The following PCDH9 variants were observed in gnomAD, a reference collection of about 807,000 sequenced individuals.
PCDH9 encodes protocadherin 9.
In PCDH9, 24 loss-of-function variants were observed where a neutral mutation model predicts 70.6. The observed-to-expected ratio is 0.34, with a 90% confidence interval of 0.25 to 0.48. PCDH9 has a LOEUF of 0.48. PCDH9 is among the 20% of genes least tolerant of loss of function. PCDH9 has a pLI of 0.99. For synonymous variants in PCDH9, 562 were observed against 558.5 expected, an observed-to-expected ratio of 1.01 and a Z score of -0.09; for missense variants, 1,281 against 1,503.6, an observed-to-expected ratio of 0.85 and a Z score of 2.45.
rs1368881773 is a variant in PCDH9 at position 67,224,855 on chromosome 13, C to T, written c.3036+550G>A. On this transcript the variant is annotated intron_variant, in intron 2 of 4. Coordinates refer to ENST00000377865, the MANE Select transcript of PCDH9 (RefSeq NM_203487.3). ...ATCAAAGAGAAGACTTCCTATATGGCTTAGTTGCAATCTATCAACGATCAT... is the reference window on the plus strand; with the variant it reads ...ATCAAAGAGAAGACTTCCTATATGGTTTAGTTGCAATCTATCAACGATCAT... 4.0e-5 allele frequency: 39 copies of T among 964,220 alleles called. No homozygotes were observed. The East Asian group carries it at 3.6e-3, about 88-fold the overall frequency. 59.7% of individuals were successfully genotyped at this position (964,220 alleles called of 1,614,324 possible).
rs540368819 is a variant in PCDH9, at chr13:66,422,432, A to G, written c.3341-117404T>C. On this transcript the variant is annotated intron_variant, in intron 4 of 4. Coordinates refer to ENST00000377865, the MANE Select transcript of PCDH9 (RefSeq NM_203487.3). Reference sequence around the variant, plus strand: ...AAGTAAAACACTCCTCAGCAAATGCAAAAGAACAGAAATCATAACAGTCTC... The same window carrying G: ...AAGTAAAACACTCCTCAGCAAATGCGAAAGAACAGAAATCATAACAGTCTC... 4.6e-5 allele frequency among the ~76,000 whole-genome samples: 7 copies of G among 152,340 alleles called. No homozygotes were observed. The East Asian group carries it at 1.3e-3, about 29-fold the overall frequency.
intron 4 of PCDH9, among the ~76,000 whole-genome samples, chr13:66,531,687 A>G (rs1960464624): frequency 6.6e-6 from 1 of 152,150 alleles, no homozygotes; most frequent in Non-Finnish European, 1.5e-5. Context: ...AAAATGCAAG[A>G]GGGCTCCTGG....
In PCDH9 at chr13:66,541,254, G is replaced by T. The variant is rs190032498; in HGVS notation, c.3340+89956C>A. ...TCAGATGGCACAAAAGTCATTTAAG[G>T]TTTCTCTGTGGAAGTGTCATTGTTC... On this transcript the variant is annotated intron_variant, in intron 4 of 4. Transcript: ENST00000377865. 1.2e-3 allele frequency among the ~76,000 whole-genome samples: 182 copies of T among 152,210 alleles called. 1 individual carries two copies. Among genetic ancestry groups the T allele is most frequent in the African/African-American group, 3.9e-3 (162 of 41,540 alleles).
chr13:66,329,903 A>G (rs1955911265), intron 4 of PCDH9, among the ~76,000 whole-genome samples: 1 of 152,244 alleles, frequency 6.6e-6, no homozygotes, highest in Non-Finnish European at 1.5e-5. Context: ...TATTATAAGA[A>G]AGTACTGCAT....
intron 2 of PCDH9, among the ~76,000 whole-genome samples, chr13:67,178,264 T>C (rs1352305529): frequency 6.6e-6 from 1 of 152,070 alleles, no homozygotes; most frequent in Non-Finnish European, 1.5e-5. Context: ...AACTAAAATA[T>C]GTTAGAATTC....
At chr13:66,939,872 CT>C (rs2082980291) in intron 2 of PCDH9, among the ~76,000 whole-genome samples, 1 of 152,118 alleles carries the variant, frequency 6.6e-6, no homozygotes, top group Admixed American at 6.6e-5. Context: ...GTATCAACAT[CT>C]TTGGGAACGA....
chr13:67,179,457 G>A (rs115138410), intron 2 of PCDH9, among the ~76,000 whole-genome samples: 137 of 152,168 alleles, frequency 9.0e-4, no homozygotes, highest in Middle Eastern at 3.4e-3. Flanking sequence ...TACATATTCC[G>A]TACACAACTG....
intron 4 of PCDH9, among the ~76,000 whole-genome samples, chr13:66,453,166 C>A (rs967799235): frequency 6.6e-6 from 1 of 152,164 alleles, no homozygotes; most frequent in African/African-American, 2.4e-5. Context: ...ACAGGTAAGA[C>A]AGGTGTTATG....
Position 66,653,985 on chromosome 13 carries a change from A to AAG in PCDH9, c.3139-22575_3139-22574insCT, listed in dbSNP as rs576503175. Among the ~76,000 whole-genome samples the AAG allele has an allele frequency of 2.7e-4, 41 of 150,404 alleles. 1 individual carries two copies. The East Asian group carries it at 6.1e-3, about 22-fold the overall frequency. ...TCCGTCTCAAAATTAAAAAAAAAAA[A>AAG]ATAGAAAGAAAATCAGTATGTCAAA... is the stretch of plus-strand genomic sequence containing the variant. On this transcript the variant is annotated intron_variant, in intron 3 of 4. Coordinates refer to ENST00000377865, the MANE Select transcript of PCDH9 (RefSeq NM_203487.3).
At position 67,059,323 on chromosome 13, in the gene PCDH9, A is replaced by G. The variant is rs542795826; in HGVS notation, c.3037-155718T>C. On this transcript the variant is annotated intron_variant, in intron 2 of 4. Transcript: ENST00000377865. ...TTTCAATGGCGAGACAGGAGTAAAA[A>G]AAAAAACAAATTTCAAATATATATA... Among the ~76,000 whole-genome samples the G allele has an allele frequency of 2.0e-5, 3 of 147,176 alleles. No homozygotes were observed. The South Asian group carries it at 6.4e-4, about 31-fold the overall frequency.
intron 4 of PCDH9, among the ~76,000 whole-genome samples, chr13:66,475,005 A>C (rs1958693949): frequency 6.6e-6 from 1 of 152,116 alleles, no homozygotes; most frequent in Admixed American, 6.5e-5. Context: ...ACACTCTGTC[A>C]CAATAGATAG....
At chr13:67,116,713 A>G (rs1288148911) in intron 2 of PCDH9, among the ~76,000 whole-genome samples, 1 of 152,192 alleles carries the variant, frequency 6.6e-6, no homozygotes, top group African/African-American at 2.4e-5. Context: ...TCCATCCACC[A>G]TCAATATACA....
At chr13:66,882,525 T>G (rs545224717) in intron 3 of PCDH9, among the ~76,000 whole-genome samples, 79 of 152,314 alleles carry the variant, frequency 5.2e-4, no homozygotes, top group Non-Finnish European at 9.7e-4. Flanking sequence ...CTAAATTGAT[T>G]GTATTTATAC....
At chr13:66,993,508 G>A (rs1019244699) in intron 2 of PCDH9, among the ~76,000 whole-genome samples, 3 of 152,106 alleles carry the variant, frequency 2.0e-5, no homozygotes, top group Non-Finnish European at 4.4e-5. Context: ...TGGGGAGGCT[G>A]AATTAGTGGA....
At chr13:66,559,884 T>C (rs1331827565) in intron 4 of PCDH9, among the ~76,000 whole-genome samples, 1 of 144,108 alleles carries the variant, frequency 6.9e-6, no homozygotes, top group African/African-American at 2.6e-5. Context: ...TCAAATGTAC[T>C]AACGTGATAC....
At chr13:67,055,434 T>C (rs146341759) in intron 2 of PCDH9, among the ~76,000 whole-genome samples, 1 of 152,186 alleles carries the variant, frequency 6.6e-6, no homozygotes, top group South Asian at 2.1e-4. Context: ...TGTCTTTAAG[T>C]GGACAATACT....
intron 4 of PCDH9, among the ~76,000 whole-genome samples, chr13:66,456,442 T>C (rs1017601677): frequency 1.3e-5 from 2 of 152,034 alleles, no homozygotes; most frequent in Admixed American, 1.3e-4. Flanking sequence ...TCAAATTTTT[T>C]GTAGAGATGG....
intron 4 of PCDH9, among the ~76,000 whole-genome samples, chr13:66,565,689 C>G (rs2076642536): frequency 6.6e-6 from 1 of 152,170 alleles, no homozygotes; most frequent in African/African-American, 2.4e-5. Flanking sequence ...TGAAAGAACA[C>G]ACATGTCTGG....
chr13:67,188,717 G>A (rs2088826323), intron 2 of PCDH9, among the ~76,000 whole-genome samples: 1 of 151,884 alleles, frequency 6.6e-6, no homozygotes, highest in South Asian at 2.1e-4. Context: ...TAACTTCATG[G>A]GAATAATTCT....
Sources: gnomAD v4.1 joint callset for allele counts (sites outside exome capture counted in the v4.1 genomes callset) on GRCh38, gnomAD v4.1.1 for gene constraint, MANE v1.5 for transcripts, NCBI Gene and HGNC (gene_info 2026-07-23, HGNC 2026-07-21) for gene names.